The following CACNA2D2 variants were observed in gnomAD, a reference collection of about 807,000 sequenced individuals.
CACNA2D2 encodes calcium voltage-gated channel auxiliary subunit alpha2delta 2.
A neutral mutation model predicts 166.4 loss-of-function variants in CACNA2D2; 48 were observed. That is an observed-to-expected ratio of 0.29 (90% CI 0.23 to 0.37). The LOEUF is 0.37. Among genes scored for constraint, CACNA2D2 ranks in the 10% least tolerant of loss-of-function variants. The pLI, the probability that CACNA2D2 is intolerant of heterozygous loss-of-function variation, is 1.00. For missense variants in CACNA2D2, 1,122 were observed against 1,433.0 expected, an observed-to-expected ratio of 0.78 and a Z score of 3.50; for synonymous variants, 561 against 573.7, an observed-to-expected ratio of 0.98 and a Z score of 0.32.
chr3:50,390,666 G>A (rs1275750731), intron 4 of CACNA2D2, among the ~76,000 whole-genome samples: 2 of 152,198 alleles, frequency 1.3e-5, no homozygotes, highest in Admixed American at 1.3e-4. Context: ...GCCCTCCCAT[G>A]TGGACTTGGG....
chr3:50,388,793 T>C (rs372171177), intron 4 of CACNA2D2, among the ~76,000 whole-genome samples: 1 of 152,150 alleles, frequency 6.6e-6, no homozygotes, highest in South Asian at 2.1e-4. Context: ...ACTGTTTCAG[T>C]GAACAGTCCT....
chr3:50,443,428 T>C (rs527558656), intron 2 of CACNA2D2, among the ~76,000 whole-genome samples: 3 of 152,342 alleles, frequency 2.0e-5, no homozygotes, highest in Admixed American at 6.5e-5. Context: ...TCCTTGTCAT[T>C]TGATAGCTCT....
At chr3:50,400,242 G>A (rs78774201) in intron 3 of CACNA2D2, among the ~76,000 whole-genome samples, 1 of 152,214 alleles carries the variant, frequency 6.6e-6, no homozygotes, top group East Asian at 1.9e-4. Flanking sequence ...GACAGTAGGG[G>A]CAGAAGTGCA....
chr3:50,366,182 A>G lies in CACNA2D2; in HGVS notation c.2710-19T>C, dbSNP rs768404047. Reference sequence around the variant, plus strand: ...TGCCCACCTGAGGATGTCAGGAGAAAGCCATGGTCACAGGGCTGGCAGTGC... The same window carrying G: ...TGCCCACCTGAGGATGTCAGGAGAAGGCCATGGTCACAGGGCTGGCAGTGC... On this transcript the variant is annotated intron_variant, in intron 31 of 37. Coordinates refer to ENST00000424201, the MANE Select transcript of CACNA2D2 (RefSeq NM_006030.4). The surrounding 1 kb of genome is among the most constrained non-coding windows in gnomAD (Gnocchi z 5.9). 9 of 1,613,954 alleles carry G rather than the reference A, an allele frequency of 5.6e-6. No homozygotes were observed. The South Asian group carries it at 9.9e-5, about 18-fold the overall frequency.
In CACNA2D2 at chr3:50,367,148, G is replaced by T. The variant is rs749854784; in HGVS notation, c.2402-39C>A. On this transcript the variant is annotated intron_variant, in intron 27 of 37. Coordinates refer to ENST00000424201, the MANE Select transcript of CACNA2D2 (RefSeq NM_006030.4). The surrounding 1 kb of genome is among the most constrained non-coding windows in gnomAD (Gnocchi z 6.5). ...GGGGAAGTCAGGAGTGGGGTCTGGC[G>T]GCCACACTGACCACTCTATGCTGGG... 1 of 1,492,912 alleles carries T rather than the reference G, an allele frequency of 6.7e-7. No individual in the cohort carries two copies. The highest frequency in any genetic ancestry group is 1.1e-5 in the South Asian group (1 of 87,310). 92.5% of individuals were successfully genotyped at this position (1,492,912 alleles called of 1,614,324 possible).
chr3:50,455,498 AGC>A (rs1709314563), intron 2 of CACNA2D2, among the ~76,000 whole-genome samples: 1 of 152,224 alleles, frequency 6.6e-6, no homozygotes. Flanking sequence ...TATTTTAAAT[AGC>A]GACACTTTGG....
intron 1 of CACNA2D2, among the ~76,000 whole-genome samples, chr3:50,484,861 C>T (rs1450635887): frequency 6.6e-6 from 1 of 152,240 alleles, no homozygotes; most frequent in Non-Finnish European, 1.5e-5. Context: ...GCTGACGTCC[C>T]AGCCCTCCTG....
intron 3 of CACNA2D2, among the ~76,000 whole-genome samples, chr3:50,400,660 C>T (rs1241325185): frequency 6.6e-6 from 1 of 152,220 alleles, no homozygotes. Flanking sequence ...GATGGAGACA[C>T]GCCAGTGGCT....
intron 24 of CACNA2D2, 45 bp downstream of exon 24, chr3:50,368,093 C>T: frequency 2.1e-6 from 3 of 1,440,548 alleles, no homozygotes; most frequent in Non-Finnish European, 2.9e-6. Flanking sequence ...TGGCCCCATG[C>T]TGCCTGGGCA....
chr3:50,374,963 G>A (rs1321454726), intron 21 of CACNA2D2, 150 bp from the exon 22 acceptor site: 2 of 702,130 alleles, frequency 2.8e-6, no homozygotes, highest in African/African-American at 1.8e-5. Context: ...GCTGCAGGAG[G>A]TTCATGGTCT....
intron 1 of CACNA2D2, among the ~76,000 whole-genome samples, chr3:50,479,272 C>T (rs949425382): frequency 6.6e-6 from 1 of 152,148 alleles, no homozygotes; most frequent in Non-Finnish European, 1.5e-5. Context: ...CCTGCTATGA[C>T]ACAGCAGGCC....
chr3:50,396,556 T>A (rs1429043142), intron 3 of CACNA2D2, among the ~76,000 whole-genome samples: 1 of 152,096 alleles, frequency 6.6e-6, no homozygotes, highest in Non-Finnish European at 1.5e-5. Context: ...AACCCAGGGA[T>A]GGATGAGGCC....
rs9846526 is a variant in CACNA2D2, at chr3:50,377,961, C to T, written c.1479+47G>A. 2,437 of 1,583,712 alleles carry T rather than the reference C, an allele frequency of 1.5e-3. 22 individuals carry two copies. The African/African-American group carries it at 0.026, about 17-fold the overall frequency. ...GGTCTTGACCCTGTGGGCACATCTC[C>T]GGGGGAAGGGTGCCAGCCCCACCCC... On this transcript the variant is annotated intron_variant, in intron 15 of 37. Transcript: ENST00000424201.
chr3:50,426,272 G>A (rs1275287511), intron 3 of CACNA2D2, among the ~76,000 whole-genome samples: 2 of 152,234 alleles, frequency 1.3e-5, no homozygotes, highest in East Asian at 1.9e-4. Flanking sequence ...AATCACACAA[G>A]GCCTAGGGCC....
intron 3 of CACNA2D2, 49 bp from the exon 4 acceptor site, chr3:50,394,217 C>A: frequency 6.7e-7 from 1 of 1,488,598 alleles, no homozygotes; most frequent in South Asian, 1.1e-5. Context: ...GGCAGCCTGC[C>A]CTATGCCCAC....
At chr3:50,368,381 C>G (rs1166393482) in intron 23 of CACNA2D2, 146 bp from the exon 24 acceptor site, 2 of 657,210 alleles carry the variant, frequency 3.0e-6, no homozygotes, top group African/African-American at 1.8e-5. Context: ...GCTGCAGCTG[C>G]TACATGCCTG....
chr3:50,495,491 C>G (rs919106054), intron 1 of CACNA2D2, among the ~76,000 whole-genome samples: 1 of 152,234 alleles, frequency 6.6e-6, no homozygotes, highest in African/African-American at 2.4e-5. Context: ...CATCACTGGA[C>G]AGCCTTATTT....
At chr3:50,409,494 C>T (rs1706887188) in intron 3 of CACNA2D2, among the ~76,000 whole-genome samples, 1 of 152,270 alleles carries the variant, frequency 6.6e-6, no homozygotes, top group Admixed American at 6.5e-5. Flanking sequence ...TAGGACCCAG[C>T]ACCAGCACCG....
chr3:50,395,829 C>A (rs1361542713), intron 3 of CACNA2D2, among the ~76,000 whole-genome samples: 2 of 152,194 alleles, frequency 1.3e-5, no homozygotes, highest in African/African-American at 4.8e-5. Flanking sequence ...GCTGGCTACC[C>A]CTCCTCAGGC....
Sources: allele counts gnomAD v4.1 joint callset (sites outside exome capture counted in the v4.1 genomes callset), GRCh38; gene constraint gnomAD v4.1.1; non-coding constraint Gnocchi (gnomAD v3.1); transcripts MANE v1.5; gene names NCBI Gene and HGNC (gene_info 2026-07-23, HGNC 2026-07-21).